The following CDH13 variants were observed in gnomAD, a reference collection of about 807,000 sequenced individuals.
CDH13 encodes cadherin 13.
In CDH13, 24 loss-of-function variants were observed where a neutral mutation model predicts 63.8. The ratio of observed to expected loss-of-function variants is 0.38; its 90% CI spans 0.27 to 0.53. CDH13 has a LOEUF of 0.53. Among genes scored for constraint, CDH13 ranks in the 20% least tolerant of loss-of-function variants. The pLI is 0.85. For synonymous variants in CDH13, 503 were observed against 355.3 expected, an observed-to-expected ratio of 1.42 and a Z score of -4.67; for missense variants, 1,049 against 903.1, an observed-to-expected ratio of 1.16 and a Z score of -2.07.
chr16:83,651,010 A>C (rs529592711), intron 8 of CDH13, among the ~76,000 whole-genome samples: 1 of 151,974 alleles, frequency 6.6e-6, no homozygotes, highest in Non-Finnish European at 1.5e-5. Context: ...CTGAGGCAGA[A>C]GGCTCCATTG....
At chr16:83,679,339 C>G (rs920065522) in intron 10 of CDH13, among the ~76,000 whole-genome samples, 2 of 152,198 alleles carry the variant, frequency 1.3e-5, no homozygotes, top group Admixed American at 1.3e-4. Context: ...GTTCCTCCTC[C>G]AAAATCTAAT....
chr16:82,750,956 G>A (rs987865859), intron 1 of CDH13, among the ~76,000 whole-genome samples: 11 of 152,212 alleles, frequency 7.2e-5, no homozygotes, highest in African/African-American at 2.7e-4. Flanking sequence ...CCACAACAGT[G>A]ATGGAATGAA....
At chr16:83,066,543 T>C (rs1028160170) in intron 3 of CDH13, among the ~76,000 whole-genome samples, 1 of 152,184 alleles carries the variant, frequency 6.6e-6, no homozygotes, top group African/African-American at 2.4e-5. Context: ...AAAGCCTGAA[T>C]ACCAATTTCT....
intron 10 of CDH13, among the ~76,000 whole-genome samples, chr16:83,738,792 G>C (rs532772201): frequency 3.3e-5 from 5 of 152,178 alleles, no homozygotes; most frequent in Non-Finnish European, 7.3e-5. Context: ...TGTAATCTCA[G>C]CTACTTGGGA....
intron 13 of CDH13, chr16:83,789,958 T>G (rs1230251990): frequency 6.6e-6 from 1 of 151,092 alleles, no homozygotes; most frequent in Non-Finnish European, 1.5e-5. Context: ...CCCTTCCCAC[T>G]TCAAAGCATC....
intron 5 of CDH13, among the ~76,000 whole-genome samples, chr16:83,288,917 T>C (rs913451779): frequency 2.6e-5 from 4 of 152,206 alleles, no homozygotes; most frequent in African/African-American, 9.7e-5. Context: ...CGCCTGGATT[T>C]GCATAATGGA....
At chr16:82,787,686 G>A (rs549414928) in intron 1 of CDH13, among the ~76,000 whole-genome samples, 1 of 152,182 alleles carries the variant, frequency 6.6e-6, no homozygotes, top group Non-Finnish European at 1.5e-5. Context: ...CTTTCACAGG[G>A]TTTCACAACC....
intron 2 of CDH13, among the ~76,000 whole-genome samples, chr16:82,876,070 A>C (rs556507562): frequency 6.6e-6 from 1 of 152,346 alleles, no homozygotes; most frequent in African/African-American, 2.4e-5. Context: ...CTCATTCACT[A>C]TCACGAGAAC....
intron 4 of CDH13, among the ~76,000 whole-genome samples, chr16:83,159,616 A>G (rs772273812): frequency 2.6e-5 from 4 of 152,230 alleles, no homozygotes; most frequent in Non-Finnish European, 5.9e-5. Context: ...AGCAGAAAGA[A>G]GAAACGATAT....
chr16:82,921,866 C>G (rs2042166278), intron 2 of CDH13, among the ~76,000 whole-genome samples: 1 of 152,084 alleles, frequency 6.6e-6, no homozygotes, highest in Non-Finnish European at 1.5e-5. Flanking sequence ...ACCTGTAAAT[C>G]TATCTGGGTC....
At chr16:83,537,781 T>C (rs1418190801) in intron 7 of CDH13, among the ~76,000 whole-genome samples, 1 of 152,224 alleles carries the variant, frequency 6.6e-6, no homozygotes. Context: ...GAAGGAATTG[T>C]ACTCTGGAAT....
At position 83,798,974 on chromosome 16, in the gene CDH13, G is replaced by A. The variant is rs946426864; in HGVS notation, c.*3944G>A. ...GCCCCTTCCCTTCCATGGCTTGTTA[G>A]CAGGTAGATGAGGGGCTTCTCCTAG... On this transcript the variant is annotated 3_prime_UTR_variant, in exon 14 of 14. Coordinates refer to ENST00000567109, the MANE Select transcript of CDH13 (RefSeq NM_001257.5). 2 of 152,154 alleles carry A rather than the reference G, an allele frequency of 1.3e-5. No homozygotes were observed. The highest frequency in any genetic ancestry group is 6.5e-5 in the Admixed American group (1 of 15,288). The allele number at this position is 152,154 out of a possible 1,614,324, so 9.4% of individuals were successfully genotyped here.
intron 7 of CDH13, among the ~76,000 whole-genome samples, chr16:83,509,481 A>G (rs567080125): frequency 6.6e-5 from 10 of 152,350 alleles, no homozygotes; most frequent in African/African-American, 2.4e-4. Context: ...TAGATACCAC[A>G]TAAATGAATG....
intron 5 of CDH13, among the ~76,000 whole-genome samples, chr16:83,261,802 G>A (rs1312178295): frequency 6.6e-6 from 1 of 151,868 alleles, no homozygotes; most frequent in Non-Finnish European, 1.5e-5. Context: ...GGGGTACCAG[G>A]ACACCCTGCC....
chr16:83,051,465 T>G (rs2030330126), intron 3 of CDH13, among the ~76,000 whole-genome samples: 1 of 152,208 alleles, frequency 6.6e-6, no homozygotes, highest in African/African-American at 2.4e-5. Context: ...TACCAATAGG[T>G]AAACCTGGTA....
rs374767125 is a variant in CDH13 at position 83,724,427 on chromosome 16, GGAATGCATGGGTGGATGAT to G, written c.1539-23651_1539-23633del. 6.4e-3 allele frequency among the ~76,000 whole-genome samples: 343 copies of G among 53,778 alleles called. 4 individuals are homozygous for G. Among genetic ancestry groups the G allele is most frequent in the African/African-American group, 0.013 (321 of 24,822 alleles). 35.3% of individuals were successfully genotyped at this position (53,778 alleles called of 152,430 possible). A position where few individuals can be genotyped will look rare whatever the true frequency, so the allele number is the denominator to read the frequency against. On this transcript the variant is annotated intron_variant, in intron 10 of 13. Coordinates refer to ENST00000567109, the MANE Select transcript of CDH13 (RefSeq NM_001257.5). ...GAGTGATGAATGCATAGGTGAGTGA[GGAATGCATGGGTGGATGAT>G]GAATGCATGGGTGGATGATGAATGC... is the stretch of plus-strand genomic sequence containing the variant.
chr16:83,381,372 C>T (rs1023344121), intron 6 of CDH13, among the ~76,000 whole-genome samples: 1 of 152,066 alleles, frequency 6.6e-6, no homozygotes, highest in East Asian at 1.9e-4. Context: ...CCTGCCTGTG[C>T]ATTAAGAGTT....
chr16:82,802,869 C>T (rs894757899), intron 1 of CDH13, among the ~76,000 whole-genome samples: 1 of 152,170 alleles, frequency 6.6e-6, no homozygotes, highest in Admixed American at 6.5e-5. Context: ...GACTCTCTGC[C>T]ACCATCTGTG....
intron 10 of CDH13, among the ~76,000 whole-genome samples, chr16:83,720,774 C>T (rs1909588829): frequency 1.3e-5 from 2 of 152,160 alleles, no homozygotes; most frequent in South Asian, 4.1e-4. Flanking sequence ...GATGCAATCC[C>T]AAACCCAGGG....
Sources: gnomAD v4.1 joint callset for allele counts (sites outside exome capture counted in the v4.1 genomes callset) on GRCh38, gnomAD v4.1.1 for gene constraint, MANE v1.5 for transcripts, NCBI Gene and HGNC (gene_info 2026-07-23, HGNC 2026-07-21) for gene names.